The following GAA variants were observed in gnomAD, a reference collection of about 807,000 sequenced individuals.
GAA encodes lysosomal alpha-glucosidase.
In GAA, 88 loss-of-function variants were observed where a neutral mutation model predicts 103.9. That is an observed-to-expected ratio of 0.85 (90% CI 0.71 to 1.01). GAA has a LOEUF of 1.01. Among genes scored for constraint, GAA ranks in the 50% least tolerant of loss-of-function variants. The pLI is 0.00. For synonymous variants in GAA, 572 were observed against 563.1 expected, an observed-to-expected ratio of 1.02 and a Z score of -0.22; for missense variants, 1,350 against 1,305.3, an observed-to-expected ratio of 1.03 and a Z score of -0.53.
rs554989201 is a variant in GAA, at chr17:80,104,337, G to A, written c.-32-218G>A. Among the ~76,000 whole-genome samples, 23 of 152,290 alleles carry A rather than the reference G, an allele frequency of 1.5e-4. No homozygotes were observed. Among genetic ancestry groups the A allele is most frequent in the Middle Eastern group, 3.4e-3 (1 of 294 alleles). ...TTGATTTGTAACATTTTAGCAGACT[G>A]TGCAAGTGCTCTGCACTCCCCTGCT... On this transcript the variant is annotated intron_variant, in intron 1 of 19. Coordinates refer to ENST00000302262, the MANE Select transcript of GAA (RefSeq NM_000152.5). The surrounding 1 kb of genome is among the most constrained non-coding windows in gnomAD (Gnocchi z 4.0).
rs893313279 is a variant in GAA, at chr17:80,110,789, G to A, written c.1500G>A (p.Glu500=). 2 of 1,614,152 alleles carry A rather than the reference G, an allele frequency of 1.2e-6. No homozygotes were observed. The highest frequency in any genetic ancestry group is 3.3e-5 in the Admixed American group (2 of 60,034). Residue 500 remains glutamate, a synonymous_variant, in exon 10 of 20, where the codon GAG becomes GAA. Coordinates refer to ENST00000302262, the MANE Select transcript of GAA (RefSeq NM_000152.5). ...ACCCCACAGCCCTGGCCTGGTGGGA[G>A]GACATGGTGGCTGAGTTCCATGACC... The part of the protein sequence containing the change: ...FTNPTALAWW[E]DMVAEFHDQV...
At chr17:80,105,276 G>A (rs913691147) in intron 2 of GAA, 144 bp downstream of exon 2, 4 of 830,748 alleles carry the variant, frequency 4.8e-6, no homozygotes, top group African/African-American at 1.7e-5. Flanking sequence ...GCAGACAATG[G>A]CAGCGCCCCT....
rs3071247 is a variant in GAA, at chr17:80,107,727, A to AGCAGCGGGCGGCGGGCGGCGG, written c.858+7_858+8insAGCGGGCGGCGGGCGGCGGGC. ...AACCGGGACCTTGCGCCCACGGTAC[A>AGCAGCGGGCGGCGGGCGGCGG]GCGGCGGGCGGCGGGCGGGGGCACT... On this transcript the variant is annotated splice_donor_region_variant and intron_variant, in intron 4 of 19. Transcript: ENST00000302262. 3.1e-6 allele frequency: 5 copies of AGCAGCGGGCGGCGGGCGGCGG among 1,610,754 alleles called. No homozygotes were observed. Among genetic ancestry groups the AGCAGCGGGCGGCGGGCGGCGG allele is most frequent in the South Asian group, 2.2e-5 (2 of 90,984 alleles).
At chr17:80,118,127 G>T in intron 17 of GAA, 66 bp from the exon 18 acceptor site, 1 of 1,561,794 alleles carries the variant, frequency 6.4e-7, no homozygotes, top group Non-Finnish European at 8.7e-7. Flanking sequence ...TAGCATTCCC[G>T]GGCCCTGGAG....
chr17:80,110,632 G>A (rs1477513373), intron 9 of GAA, 95 bp from the exon 10 acceptor site: 4 of 1,056,680 alleles, frequency 3.8e-6, no homozygotes, highest in Non-Finnish European at 5.8e-6. Flanking sequence ...CACTAAGAGT[G>A]AGGCTGCCCC....
At chr17:80,111,659 G>A (rs1421441488) in intron 11 of GAA, 5 of 413,112 alleles carry the variant, frequency 1.2e-5, no homozygotes, top group Non-Finnish European at 2.3e-5. Context: ...GAATCAGTGA[G>A]AGGATGGGGT....
At chr17:80,114,265 G>C (rs191813606) in intron 15 of GAA, among the ~76,000 whole-genome samples, 1 of 152,154 alleles carries the variant, frequency 6.6e-6, no homozygotes, top group African/African-American at 2.4e-5. Flanking sequence ...GAACTCATAC[G>C]TTGGTAAGAC....
intron 1 of GAA, among the ~76,000 whole-genome samples, chr17:80,103,733 G>A (rs2039006473): frequency 6.6e-6 from 1 of 152,144 alleles, no homozygotes; most frequent in Non-Finnish European, 1.5e-5. Flanking sequence ...TGTACCTCGG[G>A]GGCCGGGAGG....
In GAA at chr17:80,104,601, C is replaced by T; in HGVS notation, c.15C>T (p.His5=). The T allele has an allele frequency of 1.9e-6, 3 of 1,611,464 alleles. No individual in the cohort carries two copies. Among genetic ancestry groups the T allele is most frequent in the Non-Finnish European group, 8.5e-7 (1 of 1,179,370 alleles). MGVR[H]PPCSHRLLAV... is the part of the protein sequence containing the mutation. ...CATCTCCAACCATGGGAGTGAGGCACCCGCCCTGCTCCCACCGGCTCCTGG... is the reference window on the plus strand; with the variant it reads ...CATCTCCAACCATGGGAGTGAGGCATCCGCCCTGCTCCCACCGGCTCCTGG... The change falls in exon 2 of 20, where the codon CAC becomes CAT. Residue 5 remains histidine, a synonymous_variant. Transcript: ENST00000302262. The surrounding 1 kb of genome is among the most constrained non-coding windows in gnomAD (Gnocchi z 4.0).
At chr17:80,105,921 G>C in intron 3 of GAA, 27 bp downstream of exon 3, 1 of 1,573,404 alleles carries the variant, frequency 6.4e-7, no homozygotes, top group Non-Finnish European at 8.6e-7. Flanking sequence ...GTGCCAGCAT[G>C]ATGGGGAGGG....
Position 80,117,599 on chromosome 17 carries a change from G to A in GAA, c.2332-1G>A. ...ATCCTCAAAGCAACATCTCCCTCCA[G>A]GTGCCAGTAGAGGCCCTTGGCAGCC... On this transcript the variant is annotated splice_acceptor_variant, in intron 16 of 19. Coordinates refer to ENST00000302262, the MANE Select transcript of GAA (RefSeq NM_000152.5). LOFTEE classifies it high-confidence loss of function. 6.2e-7 allele frequency: 1 copy of A among 1,612,878 alleles called. No individual in the cohort carries two copies. Among genetic ancestry groups the A allele is most frequent in the East Asian group, 2.2e-5 (1 of 44,880 alleles).
At position 80,108,360 on chromosome 17, in the gene GAA, C is replaced by T. The variant is rs910930578; in HGVS notation, c.1026C>T (p.Phe342=). 1 of 1,613,662 alleles carries T rather than the reference C, an allele frequency of 6.2e-7. No homozygotes were observed. The highest frequency in any genetic ancestry group is 8.5e-7 in the Non-Finnish European group (1 of 1,180,038). ...GTGGGATCCTGGATGTCTACATCTT[C>T]CTGGGCCCAGAGCCCAAGAGCGTGG... ...STGGILDVYI[F]LGPEPKSVVQ... Residue 342 remains phenylalanine, a synonymous_variant, in exon 6 of 20, where the codon TTC becomes TTT. Coordinates refer to ENST00000302262, the MANE Select transcript of GAA (RefSeq NM_000152.5).
intron 15 of GAA, among the ~76,000 whole-genome samples, chr17:80,115,969 T>C (rs960561209): frequency 2.0e-5 from 3 of 152,212 alleles, no homozygotes; most frequent in African/African-American, 7.2e-5. Context: ...AGCCATTTTG[T>C]TAAATACATG....
At position 80,112,901 on chromosome 17, in the gene GAA, G is replaced by A. The variant is rs1305357140; in HGVS notation, c.1914G>A (p.Gly638=). ...AAATCCTGCAGTTTAACCTGCTGGG[G>A]GTGCCTCTGGTCGGGGCCGACGTCT... ...VPEILQFNLL[G]VPLVGADVCG... Residue 638 remains glycine (G), a synonymous_variant, in exon 14 of 20, where the codon GGG becomes GGA. Coordinates refer to ENST00000302262, the MANE Select transcript of GAA (RefSeq NM_000152.5). 3 of 1,610,304 alleles carry A rather than the reference G, an allele frequency of 1.9e-6. No homozygotes were observed. Among genetic ancestry groups the A allele is most frequent in the Admixed American group, 1.7e-5 (1 of 59,702 alleles).
chr17:80,111,773 C>T, intron 11 of GAA: 1 of 586,618 alleles, frequency 1.7e-6, no homozygotes, highest in Admixed American at 2.9e-5. Context: ...ACCCGCCCAG[C>T]CCTGTCTTAG....
chr17:80,114,484 G>A (rs1047630262), intron 15 of GAA, among the ~76,000 whole-genome samples: 3 of 142,234 alleles, frequency 2.1e-5, no homozygotes, highest in East Asian at 2.0e-4. Flanking sequence ...TTTTAGCCTC[G>A]TTGGAACTGA....
chr17:80,119,830 A>G lies in GAA; in HGVS notation c.*499A>G. 5.4e-6 allele frequency: 1 copy of G among 185,360 alleles called. No individual in the cohort carries two copies. The highest frequency in any genetic ancestry group is 1.1e-4 in the South Asian group (1 of 9,234). The allele number at this position is 185,360 out of a possible 1,614,324, so 11.5% of individuals were successfully genotyped here. A position where few individuals can be genotyped will look rare whatever the true frequency, so the allele number is the denominator to read the frequency against. On this transcript the variant is annotated 3_prime_UTR_variant, in exon 20 of 20. Coordinates refer to ENST00000302262, the MANE Select transcript of GAA (RefSeq NM_000152.5). ...CAGGAAAATTCACAGGACTTGGGAG[A>G]TTCTAAATCTTAAGTGCAATTATTT...
chr17:80,104,878 A>G lies in GAA; in HGVS notation c.292A>G (p.Ile98Val). 6.2e-7 allele frequency: 1 copy of G among 1,612,924 alleles called. No homozygotes were observed. Among genetic ancestry groups the G allele is most frequent in the Non-Finnish European group, 8.5e-7 (1 of 1,179,866 alleles). ...CTTCGATTGCGCCCCTGACAAGGCC[A>G]TCACCCAGGAACAGTGCGAGGCCCG... ...SRFDCAPDKAITQEQCEARGC... is the reference protein window; with the variant it reads ...SRFDCAPDKAVTQEQCEARGC... The change falls in exon 2 of 20, where the codon ATC (isoleucine) becomes GTC (valine). Residue 98 changes from isoleucine to valine, a missense_variant. Coordinates refer to ENST00000302262, the MANE Select transcript of GAA (RefSeq NM_000152.5). The surrounding 1 kb of genome is among the most constrained non-coding windows in gnomAD (Gnocchi z 4.0).
At position 80,111,079 on chromosome 17, in the gene GAA, G is replaced by T; in HGVS notation, c.1636+54G>T. The T allele has an allele frequency of 3.2e-6, 5 of 1,548,036 alleles. No individual in the cohort carries two copies. The South Asian group carries it at 3.4e-5, about 11-fold the overall frequency. ...ACTTAATCAAATCAGAGACTCCCTT[G>T]TCTGGCCTGGGAGACTTAGCACCCT... On this transcript the variant is annotated intron_variant, in intron 11 of 19. Coordinates refer to ENST00000302262, the MANE Select transcript of GAA (RefSeq NM_000152.5).
Sources: allele counts gnomAD v4.1 joint callset (sites outside exome capture counted in the v4.1 genomes callset), GRCh38; gene constraint gnomAD v4.1.1; non-coding constraint Gnocchi (gnomAD v3.1); transcripts MANE v1.5; gene names NCBI Gene and HGNC (gene_info 2026-07-23, HGNC 2026-07-21).